The following ZNF423 variants were observed in gnomAD, a reference collection of about 807,000 sequenced individuals.
ZNF423 encodes Ebf-associated zinc finger protein.
ZNF423 carries 12 observed loss-of-function variants against 95.8 expected under a neutral mutation model. The observed-to-expected ratio is 0.13, with a 90% CI of 0.08 to 0.20. The LOEUF is 0.20. Ranked by LOEUF, ZNF423 falls within the 10% of genes least tolerant of loss-of-function variation. ZNF423 has a pLI of 1.00. For synonymous variants in ZNF423, 749 were observed against 711.9 expected, an observed-to-expected ratio of 1.05 and a Z score of -0.83; for missense variants, 1,316 against 1,737.1, an observed-to-expected ratio of 0.76 and a Z score of 4.31.
intron 3 of ZNF423, among the ~76,000 whole-genome samples, chr16:49,660,843 G>GC (rs1259155951): frequency 6.7e-6 from 1 of 149,336 alleles, no homozygotes; most frequent in Non-Finnish European, 1.5e-5. Context: ...TGGGGGGATG[G>GC]GGGGGGAGCT....
intron 1 of ZNF423, among the ~76,000 whole-genome samples, chr16:49,805,975 AG>A (rs2034656726): frequency 1.3e-5 from 2 of 152,220 alleles, no homozygotes; most frequent in Non-Finnish European, 2.9e-5. Context: ...CTTAACAGGG[AG>A]GGCCCCCGGC....
chr16:49,675,531 C>T (rs534009026), intron 3 of ZNF423, among the ~76,000 whole-genome samples: 2 of 152,188 alleles, frequency 1.3e-5, no homozygotes, highest in Admixed American at 1.3e-4. Flanking sequence ...CTCCGGGCTG[C>T]CACGGCCCCC....
intron 5 of ZNF423, among the ~76,000 whole-genome samples, chr16:49,566,398 G>T (rs533492454): frequency 3.9e-5 from 6 of 152,318 alleles, no homozygotes; most frequent in African/African-American, 1.4e-4. Flanking sequence ...GAGCAGATGG[G>T]TGCAGCCTGC....
At chr16:49,797,076 C>T (rs2034510352) in intron 1 of ZNF423, among the ~76,000 whole-genome samples, 1 of 152,094 alleles carries the variant, frequency 6.6e-6, no homozygotes, top group African/African-American at 2.4e-5. Flanking sequence ...CGTGACTGCC[C>T]CTCCTTAGCT....
chr16:49,656,684 T>C (rs1596803239), intron 3 of ZNF423, among the ~76,000 whole-genome samples: 1 of 152,328 alleles, frequency 6.6e-6, no homozygotes, highest in African/African-American at 2.4e-5. Flanking sequence ...GTATTCTATA[T>C]CATACATTGC....
chr16:49,661,596 G>C (rs1410530743), intron 3 of ZNF423, among the ~76,000 whole-genome samples: 2 of 152,204 alleles, frequency 1.3e-5, no homozygotes, highest in Non-Finnish European at 2.9e-5. Flanking sequence ...ACAGTAAAAA[G>C]TGAGCACTTC....
intron 7 of ZNF423, chr16:49,518,583 TG>T: frequency 2.4e-6 from 1 of 417,734 alleles, no homozygotes; most frequent in Admixed American, 3.1e-5. Context: ...GATGTTCCAT[TG>T]CAAAAAAAAA....
At chr16:49,758,263 C>A (rs548751075) in intron 2 of ZNF423, among the ~76,000 whole-genome samples, 2 of 152,152 alleles carry the variant, frequency 1.3e-5, no homozygotes, top group Non-Finnish European at 2.9e-5. Context: ...CTCGGCCTCC[C>A]GAGTAGCTGG....
At chr16:49,671,584 G>A (rs551006564) in intron 3 of ZNF423, among the ~76,000 whole-genome samples, 5 of 152,328 alleles carry the variant, frequency 3.3e-5, no homozygotes, top group African/African-American at 4.8e-5. Flanking sequence ...GAAGAAATCC[G>A]GCAGTGCTGC....
chr16:49,590,827 C>T (rs143618798), intron 5 of ZNF423, among the ~76,000 whole-genome samples: 12 of 152,326 alleles, frequency 7.9e-5, no homozygotes, highest in Admixed American at 2.6e-4. Flanking sequence ...GGGCTCCAGC[C>T]GGCCCGGTGA....
intron 1 of ZNF423, among the ~76,000 whole-genome samples, chr16:49,817,792 C>A (rs2034879736): frequency 6.6e-6 from 1 of 152,194 alleles, no homozygotes; most frequent in African/African-American, 2.4e-5. Context: ...GTCTATCCAT[C>A]TTTTGACCCT....
intron 2 of ZNF423, among the ~76,000 whole-genome samples, chr16:49,769,661 C>T (rs1300917264): frequency 6.6e-6 from 1 of 152,126 alleles, no homozygotes; most frequent in African/African-American, 2.4e-5. Context: ...CTTCTGCCTG[C>T]TCCCCTCGAC....
In ZNF423 at chr16:49,492,167, T is replaced by A. The variant is rs148831431; in HGVS notation, c.3850-863A>T. On this transcript the variant is annotated intron_variant, in intron 7 of 7. Coordinates refer to ENST00000563137, the MANE Select transcript of ZNF423 (RefSeq NM_001379286.1). The surrounding 1 kb of genome is among the most constrained non-coding windows in gnomAD (Gnocchi z 4.2). Reference sequence around the variant, plus strand: ...GGATTTGGCATCTGAAAGCCGTCTTTTTGTTTCTTTTCAGTGGTTCGTGTT... The same window carrying A: ...GGATTTGGCATCTGAAAGCCGTCTTATTGTTTCTTTTCAGTGGTTCGTGTT... Among the ~76,000 whole-genome samples, 309 of 152,306 alleles carry A rather than the reference T, an allele frequency of 2.0e-3. No homozygotes were observed. The highest frequency in any genetic ancestry group is 3.4e-3 in the Non-Finnish European group (233 of 68,010).
At chr16:49,645,121 T>C (rs1362223766) in intron 3 of ZNF423, among the ~76,000 whole-genome samples, 1 of 152,174 alleles carries the variant, frequency 6.6e-6, no homozygotes, top group Non-Finnish European at 1.5e-5. Flanking sequence ...CACTCAACTG[T>C]TTCTTCAGAA....
Position 49,543,387 on chromosome 16 carries a change from G to A in ZNF423, c.3602-17893C>T, listed in dbSNP as rs186819509. 2.9e-3 allele frequency among the ~76,000 whole-genome samples: 448 copies of A among 151,954 alleles called. 7 individuals carry two copies. The highest frequency in any genetic ancestry group is 0.01 in the Middle Eastern group (3 of 294). On this transcript the variant is annotated intron_variant, in intron 5 of 7. Transcript: ENST00000563137. Reference sequence around the variant, plus strand: ...AATCATCGGTGCCAGCCCCATCTCCGTGCCCACTCCCCACCACAGCCCCCA... The same window carrying A: ...AATCATCGGTGCCAGCCCCATCTCCATGCCCACTCCCCACCACAGCCCCCA...
At chr16:49,816,270 TGG>T (rs1360895338) in intron 1 of ZNF423, among the ~76,000 whole-genome samples, 1 of 152,106 alleles carries the variant, frequency 6.6e-6, no homozygotes, top group Non-Finnish European at 1.5e-5. Context: ...ATCCTGACAC[TGG>T]ATGCGCTCCT....
At chr16:49,679,018 A>C (rs56931404) in intron 3 of ZNF423, among the ~76,000 whole-genome samples, 2,350 of 152,086 alleles carry the variant, frequency 0.015, 67 homozygotes, top group African/African-American at 0.054. Flanking sequence ...GCCCACAGTG[A>C]CTCGCAAGCA....
At chr16:49,607,813 A>G (rs990192427) in intron 5 of ZNF423, among the ~76,000 whole-genome samples, 1 of 152,222 alleles carries the variant, frequency 6.6e-6, no homozygotes, top group Non-Finnish European at 1.5e-5. Context: ...ATTCCACAAC[A>G]GCTTCCTAAG....
rs769818411 is a variant in ZNF423, at chr16:49,659,909, G to A, written c.302-21035C>T. Among the ~76,000 whole-genome samples, 18 of 152,220 alleles carry A rather than the reference G, an allele frequency of 1.2e-4. 1 individual carries two copies. The highest frequency in any genetic ancestry group is 3.2e-3 in the Middle Eastern group (1 of 316). On this transcript the variant is annotated intron_variant, in intron 3 of 7. Coordinates refer to ENST00000563137, the MANE Select transcript of ZNF423 (RefSeq NM_001379286.1). ...TCCTCCCAGCACCCAGCACACAGTA[G>A]GCCCTCAATATTTGCCAAATGAGTC...
Sources: gnomAD v4.1 joint callset for allele counts (sites outside exome capture counted in the v4.1 genomes callset) on GRCh38, gnomAD v4.1.1 for gene constraint, Gnocchi (gnomAD v3.1) non-coding constraint, MANE v1.5 for transcripts, NCBI Gene and HGNC (gene_info 2026-07-23, HGNC 2026-07-21) for gene names.